The following AXDND1 variants were observed in gnomAD, a reference collection of about 807,000 sequenced individuals.
The protein encoded by AXDND1 is axonemal dynein light chain domain-containing protein 1.
Under a neutral mutation model 137.5 loss-of-function variants are expected in AXDND1, and 110 were observed. The observed-to-expected ratio is 0.80, with a 90% CI of 0.69 to 0.94. AXDND1 has a LOEUF of 0.94. AXDND1 is among the 40% of genes least tolerant of loss of function. The probability of loss-of-function intolerance (pLI) is 0.00; values close to 1 mark genes in which losing one functional copy is unlikely to be tolerated. For synonymous variants in AXDND1, 414 were observed against 399.7 expected (o/e 1.04, Z -0.43); for missense variants, 1,191 against 1,169.8 (o/e 1.02, Z -0.26).
intron 11 of AXDND1, among the ~76,000 whole-genome samples, chr1:179,401,781 C>T (rs72717565): frequency 0.046 from 6,940 of 152,030 alleles, 231 homozygotes; most frequent in Non-Finnish European, 0.069. Flanking sequence ...CTTTGCCTGC[C>T]GCTATGTAAG....
At chr1:179,506,476 T>C (rs1043096043) in intron 20 of AXDND1, among the ~76,000 whole-genome samples, 1 of 152,186 alleles carries the variant, frequency 6.6e-6, no homozygotes, top group Admixed American at 6.5e-5. Context: ...CTCACACCTG[T>C]AATCCCAGAC....
At chr1:179,486,158 A>G (rs1666048868) in intron 18 of AXDND1, among the ~76,000 whole-genome samples, 1 of 144,148 alleles carries the variant, frequency 6.9e-6, no homozygotes, top group African/African-American at 2.5e-5. Flanking sequence ...AGAAATGAAA[A>G]ACACACTACA....
intron 11 of AXDND1, among the ~76,000 whole-genome samples, chr1:179,397,884 C>T (rs1467861088): frequency 2.6e-5 from 4 of 152,122 alleles, no homozygotes; most frequent in Non-Finnish European, 5.9e-5. Flanking sequence ...CTGTCAGCTC[C>T]TTTATCATTT....
intron 25 of AXDND1, among the ~76,000 whole-genome samples, chr1:179,535,465 C>A (rs981963501): frequency 6.6e-6 from 1 of 152,088 alleles, no homozygotes; most frequent in African/African-American, 2.4e-5. Flanking sequence ...TGAGTGAGAA[C>A]ATGCGGTGTT....
chr1:179,551,279 C>A, intron 25 of AXDND1: 1 of 1,613,984 alleles, frequency 6.2e-7, no homozygotes, highest in Non-Finnish European at 8.5e-7. Flanking sequence ...AGAAGACAGG[C>A]AATTCAGTAG....
In AXDND1 at chr1:179,444,814, A is replaced by T. The variant is rs757654717; in HGVS notation, c.1564-156A>T. ...TTTAAATTCATTTTAATTTAAAAAT[A>T]AGATATATGTCATATACCATCTCTT... On this transcript the variant is annotated intron_variant, in intron 15 of 25. Transcript: ENST00000367618. Among the ~76,000 whole-genome samples the T allele has an allele frequency of 4.6e-4, 70 of 152,210 alleles. 1 individual carries two copies. Among genetic ancestry groups the T allele is most frequent in the Middle Eastern group, 6.8e-3 (2 of 294 alleles).
At chr1:179,379,796 CAAAA>C (rs5779022) in intron 6 of AXDND1, among the ~76,000 whole-genome samples, 89 of 93,608 alleles carry the variant, frequency 9.5e-4, no homozygotes, top group East Asian at 7.0e-3. Flanking sequence ...AACTCCATCT[CAAAA>C]AAAAAAAAAA....
At chr1:179,521,783 G>T (rs1216168266) in intron 21 of AXDND1, among the ~76,000 whole-genome samples, 14 of 138,182 alleles carry the variant, frequency 1.0e-4, no homozygotes, top group African/African-American at 3.2e-4. Flanking sequence ...TTTTTGCTGG[G>T]TATGCTATTG....
intron 15 of AXDND1, among the ~76,000 whole-genome samples, chr1:179,438,122 A>G (rs940061581): frequency 2.0e-5 from 3 of 152,228 alleles, no homozygotes; most frequent in Non-Finnish European, 4.4e-5. Flanking sequence ...ACTGCACTCC[A>G]GCCTGGGCCA....
chr1:179,388,965 AT>A (rs1164761386), intron 9 of AXDND1, among the ~76,000 whole-genome samples: 2 of 118,046 alleles, frequency 1.7e-5, no homozygotes, highest in African/African-American at 3.1e-5. Flanking sequence ...TTGCTTATTC[AT>A]TTTTAGATTC....
chr1:179,546,283 A>G (rs984189148), intron 25 of AXDND1: 1 of 148,958 alleles, frequency 6.7e-6, no homozygotes, highest in Non-Finnish European at 1.5e-5. Context: ...GGGTGGGGTT[A>G]GGAAGACATA....
At chr1:179,488,387 T>A (rs1666322665) in intron 18 of AXDND1, among the ~76,000 whole-genome samples, 1 of 148,298 alleles carries the variant, frequency 6.7e-6, no homozygotes, top group South Asian at 2.1e-4. Flanking sequence ...CACATATATT[T>A]GAAAGGGACA....
rs371331998 is a variant in AXDND1, at chr1:179,452,620, G to A, written c.1798+7416G>A. 15 of 143,794 alleles carry A rather than the reference G, an allele frequency of 1.0e-4. 1 individual carries two copies. Among genetic ancestry groups the A allele is most frequent in the African/African-American group, 3.3e-4 (12 of 36,918 alleles). The allele number at this position is 143,794 out of a possible 1,614,324, so 8.9% of individuals were successfully genotyped here. On this transcript the variant is annotated intron_variant, in intron 16 of 25. Coordinates refer to ENST00000367618, the MANE Select transcript of AXDND1 (RefSeq NM_144696.6). ...GGAGAATGGCGTGAACCCGGGAAGCGGAGCTTGCAGTGAGCCGAGATTGCG... is the reference window on the plus strand; with the variant it reads ...GGAGAATGGCGTGAACCCGGGAAGCAGAGCTTGCAGTGAGCCGAGATTGCG...
At position 179,385,286 on chromosome 1, in the gene AXDND1, A is replaced by T. The variant is rs769017403; in HGVS notation, c.790A>T (p.Met264Leu). The T allele has an allele frequency of 5.6e-6, 9 of 1,612,342 alleles. No homozygotes were observed. In the African/African-American group the frequency reaches 1.1e-4, roughly 19 times the overall value. Residue 264 changes from methionine to leucine, a missense_variant, in exon 9 of 26, where the codon ATG (methionine) becomes TTG (leucine). By Grantham distance (15) the Met-to-Leu change is conservative (BLOSUM62 2). Transcript: ENST00000367618. Reference protein sequence around the residue: ...ILKKEQTIYNMIFHELIRQVS... With the variant: ...ILKKEQTIYNLIFHELIRQVS... The stretch of plus-strand genomic sequence containing the variant: ...GAAGAAGGAACAGACCATTTACAAC[A>T]TGATATTTCATGAACTTATTCGACA...
At position 179,368,798 on chromosome 1, in the gene AXDND1, A is replaced by G. The variant is rs757609600; in HGVS notation, c.98-2A>G. 3 of 1,602,758 alleles carry G rather than the reference A, an allele frequency of 1.9e-6. No homozygotes were observed. The highest frequency in any genetic ancestry group is 2.6e-6 in the Non-Finnish European group (3 of 1,176,200). The stretch of plus-strand genomic sequence containing the variant: ...AGTTTTTCTTTTCCACTACTTACTT[A>G]GGACTTCCTGAGCTAAAGGAGAAAA... On this transcript the variant is annotated splice_acceptor_variant, in intron 2 of 25. Coordinates refer to ENST00000367618, the MANE Select transcript of AXDND1 (RefSeq NM_144696.6). LOFTEE classifies it high-confidence loss of function.
chr1:179,440,707 G>A (rs1658859839), intron 15 of AXDND1, among the ~76,000 whole-genome samples: 1 of 152,248 alleles, frequency 6.6e-6, no homozygotes, highest in African/African-American at 2.4e-5. Flanking sequence ...AGTTGTGTGT[G>A]AGAGCAAATA....
At chr1:179,480,079 T>C (rs12140299) in intron 17 of AXDND1, among the ~76,000 whole-genome samples, 21,022 of 152,212 alleles carry the variant, frequency 0.14, 1,604 homozygotes, top group East Asian at 0.35. Context: ...CCCTTCAAAC[T>C]GTTCCAACCT....
At chr1:179,458,070 G>A (rs574428413) in intron 16 of AXDND1, among the ~76,000 whole-genome samples, 13 of 150,536 alleles carry the variant, frequency 8.6e-5, no homozygotes, top group Admixed American at 8.0e-4. Flanking sequence ...GCTCACAGCA[G>A]CCTCAAACTG....
Position 179,554,700 on chromosome 1 carries a change from G to A in AXDND1, c.*181G>A. 1 of 837,500 alleles carries A rather than the reference G, an allele frequency of 1.2e-6. No individual in the cohort carries two copies. The highest frequency in any genetic ancestry group is 1.5e-5 in the South Asian group (1 of 64,836). The allele number at this position is 837,500 out of a possible 1,614,324, so 51.9% of individuals were successfully genotyped here. On this transcript the variant is annotated 3_prime_UTR_variant, in exon 26 of 26. Coordinates refer to ENST00000367618, the MANE Select transcript of AXDND1 (RefSeq NM_144696.6). ...TGCCTTGCAAAGAGTTGTTTAACTTGCATGGTGCCACCCAATAAATATCTG... is the reference window on the plus strand; with the variant it reads ...TGCCTTGCAAAGAGTTGTTTAACTTACATGGTGCCACCCAATAAATATCTG...
Sources: gnomAD v4.1 joint callset for allele counts (sites outside exome capture counted in the v4.1 genomes callset) on GRCh38, gnomAD v4.1.1 for gene constraint, MANE v1.5 for transcripts, NCBI Gene and HGNC (gene_info 2026-07-23, HGNC 2026-07-21) for gene names.